Variants in ADAM20 observed in about 807,000 individuals in gnomAD.
ADAM20 encodes the protein disintegrin and metalloproteinase domain-containing protein 20.
For synonymous variants in ADAM20, 305 were observed against 310.2 expected (o/e 0.98, Z 0.18); for missense variants, 871 against 883.2 (o/e 0.99, Z 0.18).
upstream of ADAM20, among the ~76,000 whole-genome samples, chr14:70,538,630 T>C (rs1021580711): frequency 6.6e-6 from 1 of 152,230 alleles, no homozygotes; most frequent in Non-Finnish European, 1.5e-5. Context: ...TCTGGTGTCC[T>C]GGGACTCATT....
the ADAM20 span, among the ~76,000 whole-genome samples, chr14:70,558,516 C>T: frequency 2.0e-5 from 3 of 151,810 alleles, no homozygotes; most frequent in Admixed American, 1.3e-4. Flanking sequence ...GTGCCAAGTA[C>T]AGTGTTCAGA....
upstream of ADAM20, among the ~76,000 whole-genome samples, chr14:70,537,515 C>A (rs1372169374): frequency 6.6e-6 from 1 of 152,216 alleles, no homozygotes. Context: ...TCTGCTGTCC[C>A]AGTCCTTGGA....
At chr14:70,533,265 A>T (rs1379511952) in intron 1 of ADAM20, among the ~76,000 whole-genome samples, 2 of 152,186 alleles carry the variant, frequency 1.3e-5, no homozygotes, top group African/African-American at 2.4e-5. Context: ...TACTCAAAGG[A>T]TTATAAATCA....
At position 70,523,438 on chromosome 14, in the gene ADAM20, A is replaced by T. The variant is rs1239973758; in HGVS notation, c.1320T>A (p.Thr440=). The T allele has an allele frequency of 1.2e-6, 2 of 1,614,090 alleles. No individual in the cohort carries two copies. The highest frequency in any genetic ancestry group is 4.5e-5 in the East Asian group (2 of 44,882). The change falls in exon 2 of 2, where the codon ACT becomes ACA. Residue 440 remains threonine, a synonymous_variant. Coordinates refer to ENST00000256389, the MANE Select transcript of ADAM20 (RefSeq NM_003814.5). ...AKDPCCLLNC[T]LHPGAACAFG... ...AAGCACAAGCAGCCCCAGGATGTAGAGTACAGTTTAACAGACAACAGGGAT... is the reference window on the plus strand; with the variant it reads ...AAGCACAAGCAGCCCCAGGATGTAGTGTACAGTTTAACAGACAACAGGGAT...
Position 70,523,651 on chromosome 14 carries a change from A to G in ADAM20, c.1107T>C (p.Tyr369=), listed in dbSNP as rs746104969. 1.9e-6 allele frequency: 3 copies of G among 1,614,086 alleles called. No homozygotes were observed. The highest frequency in any genetic ancestry group is 2.5e-6 in the Non-Finnish European group (3 of 1,179,982). The change falls in exon 2 of 2, where the codon TAT becomes TAC. Residue 369 remains tyrosine (Y), a synonymous_variant. Coordinates refer to ENST00000256389, the MANE Select transcript of ADAM20 (RefSeq NM_003814.5). ...CELQWCIMHA[Y]RKVTTKFSNC... is the part of the protein sequence containing the mutation. ...TGCTAAATTTAGTTGTCACCTTTCT[A>G]TAGGCATGCATTATGCACCACTGTA...
At chr14:70,561,789 C>G in the ADAM20 span, among the ~76,000 whole-genome samples, 1 of 152,216 alleles carries the variant, frequency 6.6e-6, no homozygotes, top group Non-Finnish European at 1.5e-5. Context: ...TGGTGTTGGG[C>G]CTGCAGGATG....
In ADAM20 at chr14:70,522,592, T is replaced by C. The variant is rs1434961468; in HGVS notation, c.2166A>G (p.Glu722=). The part of the protein sequence containing the change: ...VLFKKRTKSK[E]DEEG ...CCCATTTCTCTTATCCTTCTTCATC[T>C]TCTTTACTTTTTGTGCGTTTCTTAA... Residue 722 remains glutamate, a synonymous_variant, in exon 2 of 2, where the codon GAA becomes GAG. Coordinates refer to ENST00000256389, the MANE Select transcript of ADAM20 (RefSeq NM_003814.5). 6.2e-6 allele frequency: 10 copies of C among 1,606,470 alleles called. No homozygotes were observed. Among genetic ancestry groups the C allele is most frequent in the Non-Finnish European group, 8.5e-6 (10 of 1,176,714 alleles).
chr14:70,531,653 C>T (rs1172322109), intron 1 of ADAM20, among the ~76,000 whole-genome samples: 1 of 151,988 alleles, frequency 6.6e-6, no homozygotes, highest in Non-Finnish European at 1.5e-5. Flanking sequence ...ATGAATTCAA[C>T]AAAGTTGCAG....
rs895508260 is a variant in ADAM20, at chr14:70,534,943, AAAAG to A, written c.-327_-324del. 1 of 152,222 alleles carries A rather than the reference AAAAG, an allele frequency of 6.6e-6. No individual in the cohort carries two copies. The highest frequency in any genetic ancestry group is 2.4e-5 in the African/African-American group (1 of 41,464). 9.4% of individuals were successfully genotyped at this position (152,222 alleles called of 1,614,324 possible). Reference sequence around the variant, plus strand: ...GACTTGGTACTAGGAGTGATACCAAAAAAGAAAGATAAAATGGGAATCTGAGATT... The same window carrying A: ...GACTTGGTACTAGGAGTGATACCAAAAAAGATAAAATGGGAATCTGAGATT... On this transcript the variant is annotated 5_prime_UTR_variant, in exon 1 of 2. An upstream open reading frame in the 5' UTR loses its in-frame stop. Coordinates refer to ENST00000256389, the MANE Select transcript of ADAM20 (RefSeq NM_003814.5).
At chr14:70,569,523 T>C in the ADAM20 span, among the ~76,000 whole-genome samples, 2 of 152,090 alleles carry the variant, frequency 1.3e-5, no homozygotes, top group Non-Finnish European at 2.9e-5. Flanking sequence ...TCAATAGATC[T>C]ACCTCACAGG....
the ADAM20 span, among the ~76,000 whole-genome samples, chr14:70,571,334 T>G: frequency 6.6e-6 from 1 of 152,156 alleles, no homozygotes; most frequent in African/African-American, 2.4e-5. Flanking sequence ...CTCCATTCTG[T>G]TCTTGGGATA....
At chr14:70,579,169 T>G in the ADAM20 span, among the ~76,000 whole-genome samples, 1 of 152,090 alleles carries the variant, frequency 6.6e-6, no homozygotes, top group South Asian at 2.1e-4. Context: ...GTCTTTTTGG[T>G]AGAATGAGCT....
At chr14:70,541,697 T>C in the ADAM20 span, among the ~76,000 whole-genome samples, 1 of 152,338 alleles carries the variant, frequency 6.6e-6, no homozygotes, top group African/African-American at 2.4e-5. Flanking sequence ...AAAATAGTGT[T>C]TGGTTTTCTT....
chr14:70,531,071 T>C (rs12100977), intron 1 of ADAM20, among the ~76,000 whole-genome samples: 6,472 of 151,932 alleles, frequency 0.043, 240 homozygotes, highest in African/African-American at 0.097. Context: ...ATCAACAAAA[T>C]TGGCAAACCT....
the ADAM20 span, among the ~76,000 whole-genome samples, chr14:70,545,247 C>T: frequency 2.6e-5 from 4 of 152,188 alleles, no homozygotes; most frequent in Non-Finnish European, 2.9e-5. Flanking sequence ...GTTTTGACTT[C>T]TTATTGCTGA....
intron 1 of ADAM20, among the ~76,000 whole-genome samples, chr14:70,528,533 T>C (rs1466922666): frequency 6.6e-6 from 1 of 152,234 alleles, no homozygotes; most frequent in African/African-American, 2.4e-5. Context: ...CTGTTCCATA[T>C]GTCCAGGTAG....
chr14:70,537,890 A>G (rs1595026527), upstream of ADAM20, among the ~76,000 whole-genome samples: 1 of 152,288 alleles, frequency 6.6e-6, no homozygotes, highest in African/African-American at 2.4e-5. Context: ...GGAACAGTAA[A>G]TGGCAAGAGG....
chr14:70,532,846 C>T (rs1883742974), intron 1 of ADAM20, among the ~76,000 whole-genome samples: 1 of 152,046 alleles, frequency 6.6e-6, no homozygotes, highest in African/African-American at 2.4e-5. Context: ...TTTCAAAATA[C>T]AAAGTTGGGC....
chr14:70,536,333 G>C (rs1883831071), upstream of ADAM20, among the ~76,000 whole-genome samples: 1 of 151,670 alleles, frequency 6.6e-6, no homozygotes, highest in Non-Finnish European at 1.5e-5. Context: ...AGGCGTGGTG[G>C]TGGGCATCTG....
Sources: gnomAD v4.1 joint callset for allele counts (sites outside exome capture counted in the v4.1 genomes callset) on GRCh38, gnomAD v4.1.1 for gene constraint, MANE v1.5 for transcripts, NCBI Gene and HGNC (gene_info 2026-07-23, HGNC 2026-07-21) for gene names.